Variants in XKR4 observed in about 807,000 individuals in gnomAD.
XKR4 encodes the protein XK related 4, also known as XK-related protein 4.
Under a neutral mutation model 53.9 loss-of-function variants are expected in XKR4, and 12 were observed. The ratio of observed to expected loss-of-function variants is 0.22; its 90% CI spans 0.14 to 0.36. The LOEUF (loss-of-function observed/expected upper bound fraction) is 0.36, where lower values mean the gene tolerates loss of function less well. Among genes scored for constraint, XKR4 ranks in the 10% least tolerant of loss-of-function variants. The probability of loss-of-function intolerance (pLI) is 1.00; values close to 1 mark genes in which losing one functional copy is unlikely to be tolerated. For missense variants in XKR4, 799 were observed against 859.5 expected (o/e 0.93, Z 0.88); for synonymous variants, 354 against 362.4 (o/e 0.98, Z 0.26).
intron 1 of XKR4, among the ~76,000 whole-genome samples, chr8:55,224,111 C>G (rs1817921894): frequency 6.6e-6 from 1 of 151,954 alleles, no homozygotes; most frequent in Non-Finnish European, 1.5e-5. Flanking sequence ...TTTTCTTTTT[C>G]CCTCCTCTCT....
At chr8:55,452,819 G>A in intron 2 of XKR4, 4 of 770,618 alleles carry the variant, frequency 5.2e-6, no homozygotes, top group Non-Finnish European at 9.4e-6. Flanking sequence ...TGTTGCTGGT[G>A]CTCTCCAGGT....
At chr8:55,489,311 T>TA (rs1469881676) in intron 2 of XKR4, among the ~76,000 whole-genome samples, 3 of 152,164 alleles carry the variant, frequency 2.0e-5, no homozygotes, top group African/African-American at 7.2e-5. Flanking sequence ...AATACCGCTC[T>TA]AAAAAATAGT....
intron 1 of XKR4, among the ~76,000 whole-genome samples, chr8:55,319,788 C>G (rs987265182): frequency 8.5e-5 from 13 of 152,162 alleles, no homozygotes; most frequent in African/African-American, 2.9e-4. Context: ...TTATTTTAGA[C>G]ATAAAGAAAA....
intron 1 of XKR4, among the ~76,000 whole-genome samples, chr8:55,239,055 C>A (rs577202205): frequency 6.6e-5 from 10 of 152,102 alleles, no homozygotes; most frequent in Non-Finnish European, 1.3e-4. Context: ...GGTTAACTGG[C>A]AGGTTTTATT....
chr8:55,179,044 T>C (rs1313046667), intron 1 of XKR4, among the ~76,000 whole-genome samples: 2 of 151,910 alleles, frequency 1.3e-5, no homozygotes, highest in African/African-American at 4.8e-5. Flanking sequence ...CCAGAAAAAA[T>C]TAGACAAGAG....
chr8:55,277,998 G>A (rs1280201071), intron 1 of XKR4, among the ~76,000 whole-genome samples: 1 of 152,152 alleles, frequency 6.6e-6, no homozygotes, highest in East Asian at 1.9e-4. Context: ...GGAGTCCTAA[G>A]CATTGGGCTA....
At chr8:55,459,081 A>G (rs1269893301) in intron 2 of XKR4, among the ~76,000 whole-genome samples, 2 of 152,352 alleles carry the variant, frequency 1.3e-5, no homozygotes, top group East Asian at 3.9e-4. Flanking sequence ...AGACAGAGAA[A>G]TAAATCAAAG....
rs1256911623 is a variant in XKR4, at chr8:55,135,771, C to T, written c.806+32477C>T. ...CTGACCCAGCAGGCCGGTGCACTCA[C>T]ACCCTTCCTGCATGTTGACCACTTC... On this transcript the variant is annotated intron_variant, in intron 1 of 2. Coordinates refer to ENST00000327381, the MANE Select transcript of XKR4 (RefSeq NM_052898.2). 5 of 346,364 alleles carry T rather than the reference C, an allele frequency of 1.4e-5. No homozygotes were observed. The East Asian group carries it at 3.0e-4, about 21-fold the overall frequency. 21.5% of individuals were successfully genotyped at this position (346,364 alleles called of 1,614,324 possible). A position where few individuals can be genotyped will look rare whatever the true frequency, so the allele number is the denominator to read the frequency against.
chr8:55,491,607 C>T (rs1046017244), intron 2 of XKR4, among the ~76,000 whole-genome samples: 1 of 149,406 alleles, frequency 6.7e-6, no homozygotes, highest in African/African-American at 2.5e-5. Flanking sequence ...GTTCAATGGG[C>T]TCTTTTATGT....
chr8:55,196,511 C>A (rs969699556), intron 1 of XKR4, among the ~76,000 whole-genome samples: 12 of 152,078 alleles, frequency 7.9e-5, no homozygotes, highest in African/African-American at 2.9e-4. Flanking sequence ...GATTTTGAAT[C>A]CAGATTTGGA....
At chr8:55,205,543 A>C (rs1290078580) in intron 1 of XKR4, among the ~76,000 whole-genome samples, 1 of 152,252 alleles carries the variant, frequency 6.6e-6, no homozygotes, top group Non-Finnish European at 1.5e-5. Flanking sequence ...ATACTGGCCA[A>C]AGAATGTTTC....
chr8:55,141,615 T>A (rs1196604390), intron 1 of XKR4, among the ~76,000 whole-genome samples: 1 of 145,458 alleles, frequency 6.9e-6, no homozygotes, highest in Non-Finnish European at 1.5e-5. Context: ...GGGCCTGAGC[T>A]CTACTTTCTG....
At chr8:55,362,807 C>G (rs982509007) in intron 2 of XKR4, among the ~76,000 whole-genome samples, 2 of 152,198 alleles carry the variant, frequency 1.3e-5, no homozygotes, top group Non-Finnish European at 2.9e-5. Context: ...AGACAACTGT[C>G]CACAGCCTTC....
intron 2 of XKR4, among the ~76,000 whole-genome samples, chr8:55,441,200 A>G (rs1429104794): frequency 6.6e-6 from 1 of 152,160 alleles, no homozygotes; most frequent in East Asian, 1.9e-4. Flanking sequence ...TGATTGGACT[A>G]CTGCACTACA....
chr8:55,306,482 A>G (rs1368872690), intron 1 of XKR4, among the ~76,000 whole-genome samples: 1 of 152,246 alleles, frequency 6.6e-6, no homozygotes, highest in Non-Finnish European at 1.5e-5. Flanking sequence ...TTAGACTTAC[A>G]GTTCCATGTG....
chr8:55,194,861 A>G (rs982863538), intron 1 of XKR4, among the ~76,000 whole-genome samples: 1 of 152,208 alleles, frequency 6.6e-6, no homozygotes, highest in African/African-American at 2.4e-5. Context: ...TTTACAAGCT[A>G]GCTGGTTTCT....
At chr8:55,381,204 A>T (rs1804227574) in intron 2 of XKR4, among the ~76,000 whole-genome samples, 1 of 152,216 alleles carries the variant, frequency 6.6e-6, no homozygotes, top group African/African-American at 2.4e-5. Flanking sequence ...GATGTATTTC[A>T]GATCTTAGCT....
chr8:55,429,693 C>T (rs1805072212), intron 2 of XKR4, among the ~76,000 whole-genome samples: 1 of 150,002 alleles, frequency 6.7e-6, no homozygotes, highest in South Asian at 2.1e-4. Context: ...CACAGCACTG[C>T]ATTTCAGACT....
rs941242814 is a variant in XKR4, at chr8:55,376,204, C to T, written c.1006+18327C>T. Among the ~76,000 whole-genome samples the T allele has an allele frequency of 8.5e-5, 13 of 152,238 alleles. No homozygotes were observed. The East Asian group carries it at 2.5e-3, about 29-fold the overall frequency. On this transcript the variant is annotated intron_variant, in intron 2 of 2. Transcript: ENST00000327381. ...GCAGTGAACATACATGTGCATGTAT[C>T]TTTGCAATATAATGATTTATATTCC...
Sources: allele counts gnomAD v4.1 joint callset (sites outside exome capture counted in the v4.1 genomes callset), GRCh38; gene constraint gnomAD v4.1.1; transcripts MANE v1.5; gene names NCBI Gene and HGNC (gene_info 2026-07-23, HGNC 2026-07-21).